CLIC4: variants seen among roughly 807,000 people sequenced by gnomAD.
CLIC4 encodes the protein chloride intracellular channel protein 4.
Under a neutral mutation model 24.6 loss-of-function variants are expected in CLIC4, and 13 were observed. The observed-to-expected ratio is 0.53, with a 90% CI of 0.34 to 0.84. CLIC4 has a LOEUF of 0.84. Among genes scored for constraint, CLIC4 ranks in the 40% least tolerant of loss-of-function variants. The probability of loss-of-function intolerance (pLI) is 0.01; values close to 1 mark genes in which losing one functional copy is unlikely to be tolerated. For synonymous variants in CLIC4, 104 were observed against 111.3 expected (o/e 0.93, Z 0.41); for missense variants, 227 against 301.7 (o/e 0.75, Z 1.83).
chr1:24,761,170 G>T (rs1214080114), intron 1 of CLIC4, among the ~76,000 whole-genome samples: 1 of 152,194 alleles, frequency 6.6e-6, no homozygotes, highest in Non-Finnish European at 1.5e-5. Flanking sequence ...GGAAAAGGCT[G>T]TGGGAAGGGC....
intron 4 of CLIC4, among the ~76,000 whole-genome samples, chr1:24,828,356 T>C (rs746566130): frequency 8.6e-5 from 13 of 152,000 alleles, no homozygotes; most frequent in Non-Finnish European, 1.6e-4. Flanking sequence ...GCAATTTTCT[T>C]TAGTAATTGG....
intron 1 of CLIC4, among the ~76,000 whole-genome samples, chr1:24,790,173 G>T (rs1463869155): frequency 6.6e-6 from 1 of 152,254 alleles, no homozygotes. Context: ...CCAGGTTCAA[G>T]CAATTCTCCT....
At chr1:24,828,917 C>G (rs1639813196) in intron 4 of CLIC4, among the ~76,000 whole-genome samples, 1 of 152,102 alleles carries the variant, frequency 6.6e-6, no homozygotes, top group African/African-American at 2.4e-5. Context: ...GTTCCAGTTG[C>G]CAAGCAACTT....
intron 1 of CLIC4, among the ~76,000 whole-genome samples, chr1:24,752,825 C>T (rs573476207): frequency 2.0e-5 from 3 of 152,220 alleles, no homozygotes; most frequent in African/African-American, 4.8e-5. Context: ...CGGGTTCAAG[C>T]GATTCTTCTG....
chr1:24,799,635 CGGGG>C (rs1639454424), intron 2 of CLIC4, among the ~76,000 whole-genome samples: 1 of 134,268 alleles, frequency 7.4e-6, no homozygotes, highest in Non-Finnish European at 1.6e-5. Context: ...GCCGCCCCGT[CGGGG>C]AGGGAGGTGG....
chr1:24,816,234 G>GT (rs71752506), intron 3 of CLIC4, among the ~76,000 whole-genome samples: 33,045 of 62,788 alleles, frequency 0.53, 8,802 homozygotes, highest in African/African-American at 0.63. Flanking sequence ...GAATGTTCGT[G>GT]TTTTTTTTTT....
intron 2 of CLIC4, among the ~76,000 whole-genome samples, chr1:24,800,736 C>T (rs1053726270): frequency 2.0e-5 from 3 of 152,180 alleles, no homozygotes; most frequent in East Asian, 1.9e-4. Flanking sequence ...AATTCTTCTG[C>T]CTTGGGATCT....
At chr1:24,763,505 A>G (rs1272908951) in intron 1 of CLIC4, among the ~76,000 whole-genome samples, 1 of 136,306 alleles carries the variant, frequency 7.3e-6, no homozygotes, top group Non-Finnish European at 1.5e-5. Context: ...ATGCCACTGC[A>G]CTCCATGACA....
At chr1:24,822,513 T>A (rs1639745546) in intron 3 of CLIC4, among the ~76,000 whole-genome samples, 1 of 151,970 alleles carries the variant, frequency 6.6e-6, no homozygotes, top group Admixed American at 6.6e-5. Context: ...CACGCCTGGC[T>A]AATTTTTGTA....
At chr1:24,767,857 T>C (rs1639021183) in intron 1 of CLIC4, among the ~76,000 whole-genome samples, 1 of 151,512 alleles carries the variant, frequency 6.6e-6, no homozygotes, top group East Asian at 1.9e-4. Context: ...ATATATATTT[T>C]TTTTGGCATG....
chr1:24,751,693 G>C (rs1448162312), intron 1 of CLIC4, among the ~76,000 whole-genome samples: 2 of 152,044 alleles, frequency 1.3e-5, no homozygotes, highest in Admixed American at 6.6e-5. Context: ...GCGAAACCCC[G>C]TCTCTACTAA....
intron 1 of CLIC4, among the ~76,000 whole-genome samples, chr1:24,774,355 G>T (rs1289017906): frequency 1.3e-5 from 2 of 152,166 alleles, no homozygotes; most frequent in African/African-American, 4.8e-5. Flanking sequence ...CTGAAATTAA[G>T]TCATTTAGTG....
At chr1:24,775,639 A>G (rs1253226208) in intron 1 of CLIC4, among the ~76,000 whole-genome samples, 5 of 149,336 alleles carry the variant, frequency 3.3e-5, no homozygotes, top group South Asian at 2.1e-4. Context: ...AATAATTTAG[A>G]TATTGTAGTT....
At chr1:24,781,459 T>C (rs973579799) in intron 1 of CLIC4, among the ~76,000 whole-genome samples, 2 of 151,476 alleles carry the variant, frequency 1.3e-5, no homozygotes, top group Non-Finnish European at 2.9e-5. Flanking sequence ...TGAATTCTTA[T>C]AGTGAGACTT....
chr1:24,829,599 T>TAGTCATTGATATTTATAATACTC (rs1389132716), intron 4 of CLIC4, among the ~76,000 whole-genome samples: 2 of 152,220 alleles, frequency 1.3e-5, no homozygotes, highest in South Asian at 2.1e-4. Flanking sequence ...CAACTGTGAC[T>TAGTCATTGATATTTATAATACTC]AGTCATTGAT....
chr1:24,829,669 T>C (rs1037311160), intron 4 of CLIC4, among the ~76,000 whole-genome samples: 2 of 152,194 alleles, frequency 1.3e-5, no homozygotes, highest in Non-Finnish European at 2.9e-5. Flanking sequence ...GAACTTAGCA[T>C]TGTTGAATGT....
chr1:24,808,972 A>G (rs771967099), intron 2 of CLIC4, among the ~76,000 whole-genome samples: 3 of 152,078 alleles, frequency 2.0e-5, no homozygotes, highest in Non-Finnish European at 2.9e-5. Context: ...GCCACTGCAC[A>G]TGGCCTTTTA....
intron 2 of CLIC4, among the ~76,000 whole-genome samples, chr1:24,799,183 C>T (rs1571249175): frequency 6.6e-6 from 1 of 151,528 alleles, no homozygotes; most frequent in Admixed American, 6.6e-5. Context: ...TGGCCGCCAT[C>T]CCATCTAGGA....
chr1:24,786,997 T>C (rs1639275468), intron 1 of CLIC4, among the ~76,000 whole-genome samples: 2 of 152,098 alleles, frequency 1.3e-5, no homozygotes, highest in South Asian at 4.1e-4. Flanking sequence ...CATGGTTCAC[T>C]GCAGCCTTGA....
Sources: gnomAD v4.1 joint callset for allele counts (sites outside exome capture counted in the v4.1 genomes callset) on GRCh38, gnomAD v4.1.1 for gene constraint, MANE v1.5 for transcripts, NCBI Gene and HGNC (gene_info 2026-07-23, HGNC 2026-07-21) for gene names.